Variants in NAA16 observed in about 807,000 individuals in gnomAD.
NAA16 encodes NARG1-like protein.
In NAA16, 97 loss-of-function variants were observed where a neutral mutation model predicts 110.3. The ratio of observed to expected loss-of-function variants is 0.88; its 90% CI spans 0.75 to 1.04. NAA16 has a LOEUF of 1.04. Among genes scored for constraint, NAA16 ranks in the 50% least tolerant of loss-of-function variants. NAA16 has a pLI of 0.00. For synonymous variants in NAA16, 372 were observed against 330.6 expected (o/e 1.13, Z -1.36); for missense variants, 1,017 against 1,005.1 (o/e 1.01, Z -0.16).
At position 41,358,946 on chromosome 13, in the gene NAA16, G is replaced by A. The variant is rs1156527716; in HGVS notation, c.1394G>A (p.Cys465Tyr). Residue 465 changes from cysteine (C) to tyrosine (Y), a missense_variant, in exon 12 of 20, where the codon TGC becomes TAC. Cys to Tyr is a radical substitution (Grantham distance 194, BLOSUM62 -2). Coordinates refer to ENST00000379406, the MANE Select transcript of NAA16 (RefSeq NM_024561.5). Reference sequence around the variant, plus strand: ...ATGATAAAAGAAGCAGAGGAAATGTGCTCCAAGTTCACAAGGGTAGGAAAT... The same window carrying A: ...ATGATAAAAGAAGCAGAGGAAATGTACTCCAAGTTCACAAGGGTAGGAAAT... ...ANMIKEAEEM[C>Y]SKFTREGTSA... 1 of 1,607,876 alleles carries A rather than the reference G, an allele frequency of 6.2e-7. No individual in the cohort carries two copies. Among genetic ancestry groups the A allele is most frequent in the Non-Finnish European group, 8.5e-7 (1 of 1,175,930 alleles).
intron 13 of NAA16, chr13:41,362,723 C>T: frequency 7.8e-7 from 1 of 1,289,730 alleles, no homozygotes; most frequent in Non-Finnish European, 1.0e-6. Context: ...TCTTTGTCAT[C>T]TCTGAAGCAC....
chr13:41,358,765 ATTCTC>A, intron 11 of NAA16, 40 bp from the exon 12 acceptor site: 1 of 1,531,800 alleles, frequency 6.5e-7, no homozygotes, highest in Non-Finnish European at 8.8e-7. Context: ...TTGTACTCAT[ATTCTC>A]TTGATTATAA....
At chr13:41,350,597 G>GTT (rs377318965) in intron 9 of NAA16, among the ~76,000 whole-genome samples, 17 of 26,204 alleles carry the variant, frequency 6.5e-4, no homozygotes, top group African/African-American at 2.0e-3. Flanking sequence ...CGCCCTGCCA[G>GTT]TTTTTTTTTG....
At position 41,314,182 on chromosome 13, in the gene NAA16, A is replaced by G. The variant is rs974019286; in HGVS notation, c.54+2600A>G. ...TTAAATAAAGAGTAAATAAGCTGTC[A>G]TGGGATGAAGGAAAAAAATAACAGT... On this transcript the variant is annotated intron_variant, in intron 1 of 19. Transcript: ENST00000379406. 5.3e-5 allele frequency among the ~76,000 whole-genome samples: 8 copies of G among 152,294 alleles called. No homozygotes were observed. In the South Asian group the frequency reaches 1.7e-3, roughly 32 times the overall value.
intron 10 of NAA16, among the ~76,000 whole-genome samples, chr13:41,357,430 A>T (rs1192225839): frequency 6.6e-6 from 1 of 152,226 alleles, no homozygotes; most frequent in Non-Finnish European, 1.5e-5. Flanking sequence ...TCCTTCATCA[A>T]ATACTTGGTT....
rs754615223 is a variant in NAA16, at chr13:41,369,191, C to T, written c.1855C>T (p.Arg619Cys). 17 of 1,592,266 alleles carry T rather than the reference C, an allele frequency of 1.1e-5. No homozygotes were observed. The highest frequency in any genetic ancestry group is 2.3e-5 in the East Asian group (1 of 44,394). ...EEERKHAERE[R>C]QQKNQKKKRD... is the part of the protein sequence containing the mutation. Reference sequence around the variant, plus strand: ...AGAAAGAAAGCATGCAGAAAGAGAACGTCAACAGAAAAATCAAAAGAAAAA... The same window carrying T: ...AGAAAGAAAGCATGCAGAAAGAGAATGTCAACAGAAAAATCAAAAGAAAAA... The change falls in exon 15 of 20, where the codon CGT becomes TGT. Residue 619 changes from arginine (R) to cysteine (C), a missense_variant. Coordinates refer to ENST00000379406, the MANE Select transcript of NAA16 (RefSeq NM_024561.5).
intron 15 of NAA16, among the ~76,000 whole-genome samples, chr13:41,371,525 A>C (rs893173891): frequency 6.6e-6 from 1 of 152,198 alleles, no homozygotes; most frequent in African/African-American, 2.4e-5. Context: ...ACATGAAGAT[A>C]AGGATGATGA....
intron 9 of NAA16, among the ~76,000 whole-genome samples, chr13:41,347,726 G>A (rs868389707): frequency 1.3e-5 from 2 of 152,020 alleles, no homozygotes; most frequent in Admixed American, 1.3e-4. Context: ...TTGTTTATTC[G>A]TTGCTATAGA....
At position 41,318,819 on chromosome 13, in the gene NAA16, G is replaced by A. The variant is rs143056243; in HGVS notation, c.153G>A (p.Met51Ile). Residue 51 changes from methionine (M) to isoleucine (I), a missense_variant, in exon 3 of 20, where the codon ATG (methionine) becomes ATA (isoleucine). By Grantham distance (10) the Met-to-Ile change is conservative (BLOSUM62 1). Transcript: ENST00000379406. ...KFAEHGETLA[M>I]KGLTLNCLGK... ...ATTATTTTTCAGAGACTTTGGCTAT[G>A]AAAGGATTAACACTGAACTGTTTAG... The A allele has an allele frequency of 5.8e-6, 9 of 1,554,758 alleles. No homozygotes were observed. Among genetic ancestry groups the A allele is most frequent in the Middle Eastern group, 1.7e-4 (1 of 5,838 alleles).
intron 9 of NAA16, among the ~76,000 whole-genome samples, chr13:41,345,488 A>G (rs534265349): frequency 2.4e-4 from 37 of 152,212 alleles, no homozygotes; most frequent in African/African-American, 8.2e-4. Context: ...GGGAAATGTC[A>G]TTAATTTTCT....
chr13:41,334,268 T>C (rs1382185015), intron 8 of NAA16, among the ~76,000 whole-genome samples: 2 of 152,010 alleles, frequency 1.3e-5, no homozygotes, highest in Non-Finnish European at 2.9e-5. Flanking sequence ...TACAGAACAA[T>C]AAGGAAATTT....
intron 3 of NAA16, 40 bp from the exon 4 acceptor site, chr13:41,320,627 T>G: frequency 2.0e-6 from 3 of 1,523,966 alleles, no homozygotes; most frequent in South Asian, 1.3e-5. Context: ...CATAGAATAT[T>G]CTAGTGTCTG....
chr13:41,344,384 A>G (rs1249500348), intron 9 of NAA16, among the ~76,000 whole-genome samples: 3 of 152,248 alleles, frequency 2.0e-5, no homozygotes, highest in Non-Finnish European at 4.4e-5. Context: ...CTGTTGTTTT[A>G]AAACCATCTT....
intron 1 of NAA16, among the ~76,000 whole-genome samples, chr13:41,315,212 G>A (rs929336885): frequency 2.0e-5 from 3 of 152,170 alleles, no homozygotes; most frequent in Non-Finnish European, 4.4e-5. Flanking sequence ...CTTGGATAAT[G>A]AGGAACCATC....
In NAA16 at chr13:41,372,094, TAAAG is replaced by T. The variant is rs373018508; in HGVS notation, c.1948-104_1948-101del. On this transcript the variant is annotated intron_variant, in intron 15 of 19. Transcript: ENST00000379406. ...AATGTTTTCTTGTTATTTGGTTTTA[TAAAG>T]AAAGCTGTCTAAATTACTTTAGACA... is the stretch of plus-strand genomic sequence containing the variant. 7.2e-4 allele frequency: 670 copies of T among 930,180 alleles called. 5 individuals carry two copies. In the African/African-American group the frequency reaches 0.01, roughly 14 times the overall value. The allele number at this position is 930,180 out of a possible 1,614,324, so 57.6% of individuals were successfully genotyped here.
Position 41,372,213 on chromosome 13 carries a change from C to T in NAA16, c.1958C>T (p.Pro653Leu). ...TCTGTTTCAAAATAGGTAGAAAATC[C>T]ATTAGAGGAAGCCGTTAAGTTCCTT... ...IPEKLERVEN[P>L]LEEAVKFLIP... is the part of the protein sequence containing the mutation. Residue 653 changes from proline (P) to leucine (L), a missense_variant, in exon 16 of 20, where the codon CCA becomes CTA. Pro to Leu is a moderately conservative substitution (Grantham distance 98). Coordinates refer to ENST00000379406, the MANE Select transcript of NAA16 (RefSeq NM_024561.5). The T allele has an allele frequency of 6.4e-7, 1 of 1,558,406 alleles. No individual in the cohort carries two copies. The highest frequency in any genetic ancestry group is 8.7e-7 in the Non-Finnish European group (1 of 1,153,702).
chr13:41,315,430 G>A (rs1431023354), intron 1 of NAA16, among the ~76,000 whole-genome samples: 1 of 152,120 alleles, frequency 6.6e-6, no homozygotes, highest in East Asian at 1.9e-4. Flanking sequence ...GGTGGCATTC[G>A]GAAATAAAGA....
At chr13:41,324,957 G>GTTTTTTTTT (rs145690016) in intron 5 of NAA16, among the ~76,000 whole-genome samples, 1 of 119,432 alleles carries the variant, frequency 8.4e-6, no homozygotes, top group Non-Finnish European at 1.6e-5. Context: ...TTTTAGTTTA[G>GTTTTTTTTT]TTTTTTTTTT....
chr13:41,375,549 A>G lies in NAA16; in HGVS notation c.2542A>G (p.Asn848Asp). 1 of 1,614,086 alleles carries G rather than the reference A, an allele frequency of 6.2e-7. No homozygotes were observed. The highest frequency in any genetic ancestry group is 8.5e-7 in the Non-Finnish European group (1 of 1,179,984). ...LPAVNEVDNPNVALNHTANYD... is the reference protein window; with the variant it reads ...LPAVNEVDNPDVALNHTANYD... ...TGCTGTGAATGAAGTCGACAATCCT[A>G]ATGTGGCACTGAACCATACAGCTAA... Residue 848 changes from asparagine (N) to aspartate (D), a missense_variant, in exon 20 of 20, where the codon AAT (asparagine) becomes GAT (aspartate). Physicochemically the swap from Asn to Asp is conservative, Grantham distance 23. Coordinates refer to ENST00000379406, the MANE Select transcript of NAA16 (RefSeq NM_024561.5).
Sources: allele counts gnomAD v4.1 joint callset (sites outside exome capture counted in the v4.1 genomes callset), GRCh38; gene constraint gnomAD v4.1.1; transcripts MANE v1.5; gene names NCBI Gene and HGNC (gene_info 2026-07-23, HGNC 2026-07-21).